MDGA2: variants seen among roughly 807,000 people sequenced by gnomAD.
MDGA2 encodes the protein MAM domain containing glycosylphosphatidylinositol anchor 2, also known as MAM domain-containing glycosylphosphatidylinositol anchor protein 2.
Under a neutral mutation model 117.8 loss-of-function variants are expected in MDGA2, and 40 were observed. That is an observed-to-expected ratio of 0.34 (90% CI 0.26 to 0.44). The LOEUF is 0.44. MDGA2 is among the 20% of genes least tolerant of loss of function. The pLI, the probability that MDGA2 is intolerant of heterozygous loss-of-function variation, is 1.00. For synonymous variants in MDGA2, 452 were observed against 439.0 expected, an observed-to-expected ratio of 1.03 and a Z score of -0.37; for missense variants, 1,123 against 1,250.6, an observed-to-expected ratio of 0.90 and a Z score of 1.54.
chr14:47,352,259 C>G (rs1474261667), intron 1 of MDGA2, among the ~76,000 whole-genome samples: 1 of 152,164 alleles, frequency 6.6e-6, no homozygotes, highest in Non-Finnish European at 1.5e-5. Context: ...CATCGGTTAC[C>G]TATCTCAGCA....
At chr14:47,595,748 C>T (rs1333133165) in intron 1 of MDGA2, among the ~76,000 whole-genome samples, 1 of 152,012 alleles carries the variant, frequency 6.6e-6, no homozygotes, top group African/African-American at 2.4e-5. Context: ...TGGGAAAGTG[C>T]CCACTCTAGG....
chr14:47,026,836 GA>G (rs1888490051), intron 8 of MDGA2, among the ~76,000 whole-genome samples: 1 of 152,024 alleles, frequency 6.6e-6, no homozygotes. Flanking sequence ...AGGGAGGAAA[GA>G]AAAAAGCCCC....
At chr14:47,329,435 T>TTC in intron 1 of MDGA2, among the ~76,000 whole-genome samples, 1 of 152,218 alleles carries the variant, frequency 6.6e-6, no homozygotes, top group East Asian at 1.9e-4. Flanking sequence ...CAAGTGAACC[T>TTC]TAGTAGTTCC....
intron 2 of MDGA2, among the ~76,000 whole-genome samples, chr14:47,279,243 T>C (rs1888399272): frequency 6.6e-6 from 1 of 152,174 alleles, no homozygotes; most frequent in South Asian, 2.1e-4. Flanking sequence ...TGATAGAGTA[T>C]ATTATCAATT....
chr14:47,332,034 T>C (rs1566742296), intron 1 of MDGA2, among the ~76,000 whole-genome samples: 1 of 152,046 alleles, frequency 6.6e-6, no homozygotes, highest in East Asian at 1.9e-4. Flanking sequence ...CTAGTCATAA[T>C]AAAAACTTGC....
At position 47,335,558 on chromosome 14, in the gene MDGA2, C is replaced by G. The variant is rs375870960; in HGVS notation, c.281-34008G>C. Among the ~76,000 whole-genome samples the G allele has an allele frequency of 1.5e-4, 22 of 151,294 alleles. No individual in the cohort carries two copies. In the East Asian group the frequency reaches 3.3e-3, roughly 23 times the overall value. ...AATAAGGTCAACAGTTACAGGAGAT[C>G]AGATTGTGTAGGGCTTTTAATCTCT... On this transcript the variant is annotated intron_variant, in intron 1 of 16. Transcript: ENST00000399232.
chr14:47,563,265 T>C (rs1366722035), intron 1 of MDGA2, among the ~76,000 whole-genome samples: 1 of 152,108 alleles, frequency 6.6e-6, no homozygotes, highest in African/African-American at 2.4e-5. Flanking sequence ...TTTTGTCAAA[T>C]GTCAAATTCA....
intron 1 of MDGA2, among the ~76,000 whole-genome samples, chr14:47,641,639 C>T (rs899650397): frequency 3.9e-5 from 6 of 152,048 alleles, no homozygotes; most frequent in Non-Finnish European, 8.8e-5. Context: ...TAAGTAGTGG[C>T]TATCTTCTAA....
At chr14:47,189,580 C>T (rs1049394179) in intron 3 of MDGA2, among the ~76,000 whole-genome samples, 47 of 152,120 alleles carry the variant, frequency 3.1e-4, no homozygotes, top group African/African-American at 1.1e-3. Flanking sequence ...TCCCCATCAC[C>T]TTTTAAACAA....
intron 1 of MDGA2, among the ~76,000 whole-genome samples, chr14:47,493,182 T>C (rs1462666038): frequency 6.6e-6 from 1 of 151,676 alleles, no homozygotes; most frequent in Admixed American, 6.6e-5. Flanking sequence ...TATATAGTAC[T>C]TAAGCCATCC....
intron 7 of MDGA2, among the ~76,000 whole-genome samples, chr14:47,046,787 G>A (rs929581610): frequency 2.6e-5 from 4 of 151,918 alleles, no homozygotes; most frequent in East Asian, 1.9e-4. Context: ...AGCCAACTAC[G>A]ATTCCCAAAT....
At position 47,418,640 on chromosome 14, in the gene MDGA2, A is replaced by G. The variant is rs111841662; in HGVS notation, c.281-117090T>C. On this transcript the variant is annotated intron_variant, in intron 1 of 16. Transcript: ENST00000399232. ...TGTCAAACTGAGAGTTAGAATTTCA[A>G]CATATAAATTTTGGGGGGACTCAAA... Among the ~76,000 whole-genome samples the G allele has an allele frequency of 2.6e-5, 4 of 152,164 alleles. No homozygotes were observed. In the East Asian group the frequency reaches 7.7e-4, roughly 29 times the overall value.
chr14:47,285,306 C>A (rs1888634032), intron 2 of MDGA2, among the ~76,000 whole-genome samples: 2 of 151,994 alleles, frequency 1.3e-5, no homozygotes, highest in South Asian at 4.1e-4. Context: ...CTTTTTGTAA[C>A]TCTGTTTTAT....
intron 6 of MDGA2, among the ~76,000 whole-genome samples, chr14:47,067,456 A>G (rs1890127116): frequency 6.6e-6 from 1 of 152,214 alleles, no homozygotes; most frequent in Non-Finnish European, 1.5e-5. Context: ...TCTAGTGAAA[A>G]TAATATTTAT....
intron 1 of MDGA2, among the ~76,000 whole-genome samples, chr14:47,371,183 G>T (rs1891350625): frequency 6.6e-6 from 1 of 151,746 alleles, no homozygotes; most frequent in Non-Finnish European, 1.5e-5. Context: ...ATGCGATTTT[G>T]TTATAGGAAG....
chr14:47,301,255 T>C (rs1889269370), intron 2 of MDGA2, among the ~76,000 whole-genome samples, 156 bp downstream of exon 2: 1 of 150,244 alleles, frequency 6.7e-6, no homozygotes, highest in African/African-American at 2.5e-5. Flanking sequence ...GTTGCACATA[T>C]ACTTGCACTT....
At chr14:47,561,163 G>GTTTTTTTTT (rs1309865250) in intron 1 of MDGA2, among the ~76,000 whole-genome samples, 9 of 83,878 alleles carry the variant, frequency 1.1e-4, no homozygotes, top group East Asian at 6.8e-4. Context: ...GTTTTGTTTT[G>GTTTTTTTTT]TTTTTTTGTT....
chr14:47,130,386 T>C (rs1287761286), intron 5 of MDGA2, among the ~76,000 whole-genome samples: 5 of 152,124 alleles, frequency 3.3e-5, no homozygotes. Context: ...GAGCATTCTC[T>C]AGTTTAAGAC....
At chr14:47,418,912 T>A (rs899181585) in intron 1 of MDGA2, among the ~76,000 whole-genome samples, 2 of 152,202 alleles carry the variant, frequency 1.3e-5, no homozygotes, top group African/African-American at 4.8e-5. Context: ...AAGTACTCTA[T>A]GAATTCTGGT....
Sources: gnomAD v4.1 joint callset for allele counts (sites outside exome capture counted in the v4.1 genomes callset) on GRCh38, gnomAD v4.1.1 for gene constraint, MANE v1.5 for transcripts, NCBI Gene and HGNC (gene_info 2026-07-23, HGNC 2026-07-21) for gene names.